RPAP1: variants seen among roughly 807,000 people sequenced by gnomAD.
RPAP1 encodes the protein RNA polymerase II associated protein 1.
In RPAP1, 109 loss-of-function variants were observed where a neutral mutation model predicts 142.4. The ratio of observed to expected loss-of-function variants is 0.77; its 90% CI spans 0.66 to 0.90. The LOEUF is 0.90. Among genes scored for constraint, RPAP1 ranks in the 40% least tolerant of loss-of-function variants. The probability of loss-of-function intolerance (pLI) is 0.00; values close to 1 mark genes in which losing one functional copy is unlikely to be tolerated. For synonymous variants in RPAP1, 704 were observed against 738.9 expected (o/e 0.95, Z 0.77); for missense variants, 1,546 against 1,751.7 (o/e 0.88, Z 2.10).
At chr15:41,533,743 CAGG>C (rs2051878681) in intron 6 of RPAP1, among the ~76,000 whole-genome samples, 1 of 151,126 alleles carries the variant, frequency 6.6e-6, no homozygotes, top group African/African-American at 2.4e-5. Context: ...GAGGCTGAGA[CAGG>C]AGAATTGCTT....
intron 22 of RPAP1, among the ~76,000 whole-genome samples, chr15:41,519,154 A>G (rs1472538528): frequency 6.6e-6 from 1 of 152,220 alleles, no homozygotes; most frequent in Non-Finnish European, 1.5e-5. Flanking sequence ...GGCCTCCCAA[A>G]ATGTTGGATT....
In RPAP1 at chr15:41,522,253, G is replaced by A; in HGVS notation, c.2743-3C>T. 1.2e-6 allele frequency: 2 copies of A among 1,613,310 alleles called. No individual in the cohort carries two copies. The highest frequency in any genetic ancestry group is 1.7e-6 in the Non-Finnish European group (2 of 1,179,792). ...GGGGCAGCCAATATGGCAGCCAGCTGAGGAAAAGCAATTTTGTTCAGATCT... is the reference window on the plus strand; with the variant it reads ...GGGGCAGCCAATATGGCAGCCAGCTAAGGAAAAGCAATTTTGTTCAGATCT... On this transcript the variant is annotated splice_region_variant and splice_polypyrimidine_tract_variant and intron_variant, in intron 19 of 24. Transcript: ENST00000304330.
At chr15:41,527,360 C>T in intron 12 of RPAP1, 59 bp from the exon 13 acceptor site, 1 of 1,612,620 alleles carries the variant, frequency 6.2e-7, no homozygotes, top group Non-Finnish European at 8.5e-7. Context: ...GCATTGATGG[C>T]CCCTCTTTCC....
Position 41,523,876 on chromosome 15 carries a change from C to A in RPAP1, c.2331G>T (p.Gln777His). The change falls in exon 17 of 25, where the codon CAG (glutamine) becomes CAT (histidine). Residue 777 changes from glutamine (Q) to histidine (H), a missense_variant. Gln to His is a conservative substitution (Grantham distance 24, BLOSUM62 0). Coordinates refer to ENST00000304330, the MANE Select transcript of RPAP1 (RefSeq NM_015540.4). ...LQPLVEPCLR[Q>H]TLKLLSRPEM... is the part of the protein sequence containing the mutation. The stretch of plus-strand genomic sequence containing the variant: ...CAGGTCTGGACAGCAACTTCAAGGT[C>A]TGCCTTAGACACGGCTCAACAAGAG... The A allele has an allele frequency of 6.2e-7, 1 of 1,607,836 alleles. No individual in the cohort carries two copies. Among genetic ancestry groups the A allele is most frequent in the Non-Finnish European group, 8.5e-7 (1 of 1,176,974 alleles).
At chr15:41,519,059 T>C (rs955382333) in intron 22 of RPAP1, among the ~76,000 whole-genome samples, 1 of 152,100 alleles carries the variant, frequency 6.6e-6, no homozygotes, top group Admixed American at 6.5e-5. Context: ...TGGCTAATTT[T>C]CCAATAATTT....
intron 14 of RPAP1, among the ~76,000 whole-genome samples, chr15:41,525,765 C>A (rs1430537567): frequency 6.6e-6 from 1 of 152,108 alleles, no homozygotes; most frequent in East Asian, 1.9e-4. Context: ...AAGCAATTCT[C>A]TGCCTCAGCC....
At position 41,527,907 on chromosome 15, in the gene RPAP1, T is replaced by C. The variant is rs1246147893; in HGVS notation, c.1381A>G (p.Thr461Ala). ...LDDRVDGVIA[T>A]AIRALRALLV... The stretch of plus-strand genomic sequence containing the variant: ...AGAGCCCGAAGAGCACGGATGGCGG[T>C]TGCAATGACCCCATCCACTCTGTCA... Residue 461 changes from threonine to alanine, a missense_variant, in exon 11 of 25, where the codon ACC becomes GCC. Coordinates refer to ENST00000304330, the MANE Select transcript of RPAP1 (RefSeq NM_015540.4). 1 of 1,613,920 alleles carries C rather than the reference T, an allele frequency of 6.2e-7. No homozygotes were observed. Among genetic ancestry groups the C allele is most frequent in the African/African-American group, 1.3e-5 (1 of 74,966 alleles).
At chr15:41,534,366 C>T (rs1386109869) in intron 6 of RPAP1, among the ~76,000 whole-genome samples, 3 of 150,614 alleles carry the variant, frequency 2.0e-5, no homozygotes, top group African/African-American at 4.9e-5. Context: ...TGTGGTGAGC[C>T]GAGATTGTGC....
chr15:41,527,139 GCCCATT>G (rs2140769739), intron 13 of RPAP1, 22 bp downstream of exon 13: 1 of 1,613,682 alleles, frequency 6.2e-7, no homozygotes, highest in East Asian at 2.2e-5. Context: ...TAGGCTTTTT[GCCCATT>G]CCCTGCTCCC....
At chr15:41,537,285 T>C in intron 1 of RPAP1, 84 bp from the exon 2 acceptor site, 1 of 687,844 alleles carries the variant, frequency 1.5e-6, no homozygotes, top group South Asian at 1.9e-5. Flanking sequence ...TCTTTATCCT[T>C]GGGTTAACAT....
At position 41,520,780 on chromosome 15, in the gene RPAP1, C is replaced by T; in HGVS notation, c.3406G>A (p.Val1136Met). ...MGTAMRVLQW[V>M]LVLESWRPQA... ...GGGCGCCAGCTCTCCAAAACTAGCA[C>T]CCACTGCAGGACCCGCATGGCTGTG... Residue 1136 changes from valine (V) to methionine (M), a missense_variant, in exon 22 of 25, where the codon GTG becomes ATG. Physicochemically the swap from Val to Met is conservative, Grantham distance 21 (BLOSUM62 1). Around this residue, in one of 3 missense-constraint regions of RPAP1, gnomAD observed 1,333 missense variants for 1,486.6 expected, o/e 0.90. Coordinates refer to ENST00000304330, the MANE Select transcript of RPAP1 (RefSeq NM_015540.4). The T allele has an allele frequency of 2.5e-6, 4 of 1,613,806 alleles. No individual in the cohort carries two copies. The highest frequency in any genetic ancestry group is 3.4e-6 in the Non-Finnish European group (4 of 1,179,992).
intron 22 of RPAP1, 116 bp from the exon 23 acceptor site, chr15:41,518,298 A>G: frequency 1.2e-6 from 1 of 839,692 alleles, no homozygotes; most frequent in Non-Finnish European, 1.8e-6. Context: ...CAGGTCCTAG[A>G]CAAACATCTG....
At position 41,531,163 on chromosome 15, in the gene RPAP1, G is replaced by C. The variant is rs201802698; in HGVS notation, c.803C>G (p.Thr268Arg). The part of the protein sequence containing the change: ...LVAFLRSHSH[T>R]QEQTGETASE... ...GGCTGTCTCTCCTGTTTGCTCTTGC[G>C]TGTGGCTGTGAGATCTCAAGAAAGC... The change falls in exon 7 of 25, where the codon ACG becomes AGG. Residue 268 changes from threonine (T) to arginine (R), a missense_variant. Transcript: ENST00000304330. 24 of 1,613,470 alleles carry C rather than the reference G, an allele frequency of 1.5e-5. No homozygotes were observed. Among genetic ancestry groups the C allele is most frequent in the Non-Finnish European group, 7.6e-6 (9 of 1,179,622 alleles).
Position 41,537,200 on chromosome 15 carries a change from C to A in RPAP1, c.-75G>T, listed in dbSNP as rs144600028. On this transcript the variant is annotated splice_region_variant and 5_prime_UTR_variant, in exon 2 of 25. Coordinates refer to ENST00000304330, the MANE Select transcript of RPAP1 (RefSeq NM_015540.4). Reference sequence around the variant, plus strand: ...CGTGTGGGGGTTCCCTCTTATTCATCCCTAAGAGCAAGAAAGAATATGGGC... The same window carrying A: ...CGTGTGGGGGTTCCCTCTTATTCATACCTAAGAGCAAGAAAGAATATGGGC... The A allele has an allele frequency of 2.1e-5, 31 of 1,442,630 alleles. No individual in the cohort carries two copies. The East Asian group carries it at 7.3e-4, about 34-fold the overall frequency. 89.4% of individuals were successfully genotyped at this position (1,442,630 alleles called of 1,614,324 possible).
Position 41,536,605 on chromosome 15 carries a change from T to A in RPAP1, c.226A>T (p.Arg76Ter). Reference protein sequence around the residue: ...PPALVPSPPKRARPSPGHCLP... With the variant: ...PPALVPSPPK The stretch of plus-strand genomic sequence containing the variant: ...CAGTGGCCAGGGCTGGGCCTGGCTC[T>A]CTTTGGAGGAGAAGGGACCAAAGCT... Residue 76 changes from arginine to a stop codon, truncating the protein, a stop_gained, in exon 3 of 25, where the codon AGA becomes TGA. Coordinates refer to ENST00000304330, the MANE Select transcript of RPAP1 (RefSeq NM_015540.4). LOFTEE classifies it high-confidence loss of function. 6.2e-7 allele frequency: 1 copy of A among 1,614,120 alleles called. No individual in the cohort carries two copies. The highest frequency in any genetic ancestry group is 8.5e-7 in the Non-Finnish European group (1 of 1,180,034).
intron 19 of RPAP1, 149 bp from the exon 20 acceptor site, chr15:41,522,399 G>GT (rs574790652): frequency 1.4e-4 from 105 of 765,334 alleles, no homozygotes; most frequent in Admixed American, 6.9e-4. Flanking sequence ...TTTCTTTTTG[G>GT]TTTTTTTTGA....
At chr15:41,538,089 A>G (rs11636126) in intron 1 of RPAP1, among the ~76,000 whole-genome samples, 64,025 of 151,838 alleles carry the variant, frequency 0.42, 14,878 homozygotes, top group South Asian at 0.53. Context: ...TAAAAATATA[A>G]AAAACTAGCC....
intron 17 of RPAP1, 152 bp from the exon 18 acceptor site, chr15:41,523,506 G>A (rs997900208): frequency 2.0e-5 from 13 of 653,668 alleles, no homozygotes; most frequent in South Asian, 1.6e-4. Flanking sequence ...AGAAGGCCCC[G>A]ATGTGTAGGG....
At chr15:41,530,694 G>T (rs1005522095) in intron 7 of RPAP1, among the ~76,000 whole-genome samples, 1 of 152,128 alleles carries the variant, frequency 6.6e-6, no homozygotes, top group Non-Finnish European at 1.5e-5. Flanking sequence ...AAGAACAGTG[G>T]GATGGACAGA....
Sources: gnomAD v4.1 joint callset for allele counts (sites outside exome capture counted in the v4.1 genomes callset) on GRCh38, gnomAD v4.1.1 for gene constraint, gnomAD v4.1.1 regional missense constraint, MANE v1.5 for transcripts, NCBI Gene and HGNC (gene_info 2026-07-23, HGNC 2026-07-21) for gene names.